The following SYT15 variants were observed in gnomAD, a reference collection of about 807,000 sequenced individuals.
SYT15 encodes the protein synaptotagmin-15.
Under a neutral mutation model 30.1 loss-of-function variants are expected in SYT15, and 4 were observed. That is an observed-to-expected ratio of 0.13 (90% CI 0.07 to 0.30). The LOEUF (loss-of-function observed/expected upper bound fraction) is 0.30. SYT15 is among the 10% of genes least tolerant of loss of function. The pLI is 1.00. For synonymous variants in SYT15, 19 were observed against 166.3 expected, an observed-to-expected ratio of 0.11 and a Z score of 6.82; for missense variants, 49 against 371.7, an observed-to-expected ratio of 0.13 and a Z score of 7.14.
chr10:46,594,606 A>G (rs1845602131), downstream of SYT15, among the ~76,000 whole-genome samples: 2 of 143,068 alleles, frequency 1.4e-5, 1 homozygote, highest in Non-Finnish European at 3.0e-5. Flanking sequence ...CTCCAGCTGA[A>G]GACGACTCTG....
intron 7 of SYT15, among the ~76,000 whole-genome samples, chr10:46,586,241 C>CA (rs375456623): frequency 0.079 from 1,687 of 21,278 alleles, 169 homozygotes; most frequent in East Asian, 0.13. Context: ...CTGAATCTGT[C>CA]AAAAAAAAAA....
rs1845399511 is a variant in SYT15, at chr10:46,591,049, TG to T, written c.*3404del. ...AAATTTAGATTTATTAGAGGGAGCA[TG>T]GCCATAAAATAAAATAAAATAAAAT... On this transcript the variant is annotated 3_prime_UTR_variant, in exon 8 of 8. Coordinates refer to ENST00000374321, the MANE Select transcript of SYT15 (RefSeq NM_031912.5). 7.3e-6 allele frequency: 1 copy of T among 137,448 alleles called. No homozygotes were observed. The highest frequency in any genetic ancestry group is 7.3e-5 in the Admixed American group (1 of 13,668). 8.5% of individuals were successfully genotyped at this position (137,448 alleles called of 1,614,324 possible).
chr10:46,596,769 A>AC, downstream of SYT15: 1 of 420,130 alleles, frequency 2.4e-6, no homozygotes, highest in Non-Finnish European at 4.6e-6. Flanking sequence ...GAGAGGAAAC[A>AC]CTGCTACCCG....
Position 46,584,526 on chromosome 10 carries a change from G to C in SYT15, c.854G>C (p.Cys285Ser), listed in dbSNP as rs1844640368. 1 of 1,611,650 alleles carries C rather than the reference G, an allele frequency of 6.2e-7. No homozygotes were observed. The highest frequency in any genetic ancestry group is 1.7e-5 in the Admixed American group (1 of 59,614). The change falls in exon 6 of 8, where the codon TGC (cysteine) becomes TCC (serine). Residue 285 changes from cysteine (C) to serine (S), a missense_variant. Cys to Ser is a moderately radical substitution (Grantham distance 112). Transcript: ENST00000374321. ...TCGGAGTTTGGCGACCTCCAGTTCT[G>C]CCTCAGCTACAACGACTACCTGAGC... Reference protein sequence around the residue: ...PPSEFGDLQFCLSYNDYLSRL... With the variant: ...PPSEFGDLQFSLSYNDYLSRL...
chr10:46,580,667 T>C (rs3127791), intron 2 of SYT15, among the ~76,000 whole-genome samples: 1,797 of 129,258 alleles, frequency 0.014, 33 homozygotes, highest in East Asian at 0.026. Flanking sequence ...TGTTCCTTCT[T>C]CAAATCCCAC....
At chr10:46,596,955 G>T, downstream of SYT15, 1 of 306,208 alleles carries the variant, frequency 3.3e-6, no homozygotes, top group Middle Eastern at 6.3e-4. Flanking sequence ...TTGGTTAACT[G>T]AGAATGATCC....
chr10:46,590,582 T>C lies in SYT15; in HGVS notation c.*2935T>C, dbSNP rs1555043252. 1 of 129,560 alleles carries C rather than the reference T, an allele frequency of 7.7e-6. No individual in the cohort carries two copies. The highest frequency in any genetic ancestry group is 1.6e-5 in the Non-Finnish European group (1 of 61,280). The allele number at this position is 129,560 out of a possible 1,614,324, so 8.0% of individuals were successfully genotyped here. Reference sequence around the variant, plus strand: ...TAATAAGTTTGGCAAGGTTGCAAGATATAAAATTGGTATACAAATTGCAGT... The same window carrying C: ...TAATAAGTTTGGCAAGGTTGCAAGACATAAAATTGGTATACAAATTGCAGT... On this transcript the variant is annotated 3_prime_UTR_variant, in exon 8 of 8. Transcript: ENST00000374321.
chr10:46,581,042 T>C lies in SYT15; in HGVS notation c.355+6T>C. ...CACCTCCAGCGGCGGCCTTGGTGAG[T>C]GTCCTTGCCAGGGCTGCCCAGAGGT... On this transcript the variant is annotated splice_donor_region_variant and intron_variant, in intron 3 of 7. Coordinates refer to ENST00000374321, the MANE Select transcript of SYT15 (RefSeq NM_031912.5). 1 of 990,902 alleles carries C rather than the reference T, an allele frequency of 1.0e-6. No individual in the cohort carries two copies. The highest frequency in any genetic ancestry group is 1.4e-6 in the Non-Finnish European group (1 of 712,798). 61.4% of individuals were successfully genotyped at this position (990,902 alleles called of 1,614,324 possible).
chr10:46,586,409 G>A (rs1844935388), intron 7 of SYT15, among the ~76,000 whole-genome samples: 1 of 110,526 alleles, frequency 9.0e-6, no homozygotes, highest in Non-Finnish European at 1.8e-5. Flanking sequence ...AGCTGGGTGT[G>A]GTGGCTGGTG....
chr10:46,584,474 C>T (rs1844629793), intron 5 of SYT15, 21 bp from the exon 6 acceptor site: 1 of 1,612,856 alleles, frequency 6.2e-7, no homozygotes, highest in African/African-American at 1.3e-5. Flanking sequence ...GGGTGGGGTG[C>T]TTCCATCTTG....
chr10:46,584,106 C>T (rs1844563920), intron 5 of SYT15, among the ~76,000 whole-genome samples: 1 of 147,614 alleles, frequency 6.8e-6, no homozygotes, highest in East Asian at 2.0e-4. Context: ...GCTTGAGGTC[C>T]TGTTGTCACA....
At chr10:46,580,857 C>G (rs368280822) in intron 2 of SYT15, 37 bp from the exon 3 acceptor site, 2 of 1,461,738 alleles carry the variant, frequency 1.4e-6, no homozygotes, top group Non-Finnish European at 1.8e-6. Flanking sequence ...ACACCATTGA[C>G]TTGCCACCTA....
Position 46,591,986 on chromosome 10 carries a change from CT to C in SYT15, c.*4343del. 1 of 129,910 alleles carries C rather than the reference CT, an allele frequency of 7.7e-6. No individual in the cohort carries two copies. Among genetic ancestry groups the C allele is most frequent in the Non-Finnish European group, 1.6e-5 (1 of 61,730 alleles). The allele number at this position is 129,910 out of a possible 1,614,324, so 8.0% of individuals were successfully genotyped here. ...TTTAATCAAGTCTGTCAAATTTTGT[CT>C]TTTGTGTATTTCGTGAATTTACATT... On this transcript the variant is annotated 3_prime_UTR_variant, in exon 8 of 8. Transcript: ENST00000374321.
At chr10:46,579,310 G>A in intron 1 of SYT15, 135 bp downstream of exon 1, 1 of 221,078 alleles carries the variant, frequency 4.5e-6, no homozygotes. Context: ...AGGGGCACTG[G>A]GATGGAGTAG....
In SYT15 at chr10:46,584,377, C is replaced by T. The variant is rs1190399294; in HGVS notation, c.823-118C>T. 2.5e-5 allele frequency: 31 copies of T among 1,252,660 alleles called. No individual in the cohort carries two copies. In the African/African-American group the frequency reaches 4.8e-4, roughly 19 times the overall value. 77.6% of individuals were successfully genotyped at this position (1,252,660 alleles called of 1,614,324 possible). On this transcript the variant is annotated intron_variant, in intron 5 of 7. Transcript: ENST00000374321. ...AATGGCAGTGGAACTCAAAGGGGAC[C>T]ATGCGGGTGTGTCGCATGGACCGCT... is the stretch of plus-strand genomic sequence containing the variant.
At position 46,583,727 on chromosome 10, in the gene SYT15, C is replaced by CA. The variant is rs782165635; in HGVS notation, c.652-5_652-4insA. On this transcript the variant is annotated splice_region_variant and splice_polypyrimidine_tract_variant and intron_variant, in intron 4 of 7. Transcript: ENST00000374321. ...GACTCTGGCTGGTGTCCTTGTCCCCCCCAGGTGTCCAGCAAGACCATCACC... is the reference window on the plus strand; with the variant it reads ...GACTCTGGCTGGTGTCCTTGTCCCCCACCAGGTGTCCAGCAAGACCATCACC... 2 of 819,762 alleles carry CA rather than the reference C, an allele frequency of 2.4e-6. No individual in the cohort carries two copies. Among genetic ancestry groups the CA allele is most frequent in the Admixed American group, 4.4e-5 (1 of 22,928 alleles). 50.8% of individuals were successfully genotyped at this position (819,762 alleles called of 1,614,324 possible).
At chr10:46,580,407 T>TC (rs782639852) in intron 2 of SYT15, 39 bp downstream of exon 2, 9 of 399,924 alleles carry the variant, frequency 2.3e-5, no homozygotes, top group Admixed American at 2.1e-4. Context: ...CCCTGGAATT[T>TC]CCCTCAGGGT....
chr10:46,590,841 C>A lies in SYT15; in HGVS notation c.*3194C>A, dbSNP rs1433976864. 1 of 123,064 alleles carries A rather than the reference C, an allele frequency of 8.1e-6. No individual in the cohort carries two copies. Among genetic ancestry groups the A allele is most frequent in the East Asian group, 2.4e-4 (1 of 4,206 alleles). 7.6% of individuals were successfully genotyped at this position (123,064 alleles called of 1,614,324 possible). A position where few individuals can be genotyped will look rare whatever the true frequency, so the allele number is the denominator to read the frequency against. ...ATTTCTCTCAAATACTTACTCTGCA[C>A]CTTTTGAAATAATTTTATTTTTCTC... On this transcript the variant is annotated 3_prime_UTR_variant, in exon 8 of 8. Coordinates refer to ENST00000374321, the MANE Select transcript of SYT15 (RefSeq NM_031912.5).
At chr10:46,584,185 G>T (rs1193837977) in intron 5 of SYT15, among the ~76,000 whole-genome samples, 2 of 150,882 alleles carry the variant, frequency 1.3e-5, no homozygotes, top group South Asian at 4.1e-4. Flanking sequence ...TTAGACAGCT[G>T]TGAGAGATGA....
Sources: gnomAD v4.1 joint callset for allele counts (sites outside exome capture counted in the v4.1 genomes callset) on GRCh38, gnomAD v4.1.1 for gene constraint, MANE v1.5 for transcripts, NCBI Gene and HGNC (gene_info 2026-07-23, HGNC 2026-07-21) for gene names.